Variants in NLK observed in about 807,000 individuals in gnomAD.
NLK encodes serine/threonine-protein kinase NLK.
A neutral mutation model predicts 59.0 loss-of-function variants in NLK; 11 were observed. The ratio of observed to expected loss-of-function variants is 0.19; its 90% CI spans 0.12 to 0.31. The LOEUF (loss-of-function observed/expected upper bound fraction) is 0.31. Ranked by LOEUF, NLK falls within the 10% of genes least tolerant of loss-of-function variation. The pLI, the probability that NLK is intolerant of heterozygous loss-of-function variation, is 1.00. For synonymous variants in NLK, 235 were observed against 235.9 expected, an observed-to-expected ratio of 1.00 and a Z score of 0.03; for missense variants, 410 against 661.1, an observed-to-expected ratio of 0.62 and a Z score of 4.16.
chr17:28,058,621 C>T (rs144075303), intron 1 of NLK, among the ~76,000 whole-genome samples: 1 of 152,178 alleles, frequency 6.6e-6, no homozygotes, highest in Non-Finnish European at 1.5e-5. Context: ...CATGGTGGCC[C>T]ATGTGTGTAT....
chr17:28,184,462 A>T (rs1456669203), intron 7 of NLK, among the ~76,000 whole-genome samples: 1 of 152,172 alleles, frequency 6.6e-6, no homozygotes, highest in Non-Finnish European at 1.5e-5. Flanking sequence ...TATAAACTCA[A>T]GCTTCTGTAC....
At chr17:28,102,010 C>A (rs1440551097) in intron 1 of NLK, among the ~76,000 whole-genome samples, 4 of 152,174 alleles carry the variant, frequency 2.6e-5, no homozygotes, top group Admixed American at 6.5e-5. Context: ...CTATCTGTAT[C>A]TTTTGTTTAA....
intron 3 of NLK, among the ~76,000 whole-genome samples, chr17:28,134,931 TG>T (rs1906677879): frequency 6.6e-6 from 1 of 152,226 alleles, no homozygotes; most frequent in South Asian, 2.1e-4. Flanking sequence ...AAAGCATTAA[TG>T]ATTCCATTTC....
chr17:28,111,925 GTGTGTGTGTGTGTGTGTGTGTA>G (rs1364370960), intron 1 of NLK, among the ~76,000 whole-genome samples: 15 of 148,846 alleles, frequency 1.0e-4, no homozygotes, highest in Admixed American at 4.0e-4. Flanking sequence ...GTGTGTGTGT[GTGTGTGTGTGTGTGTGTGTGTA>G]TGTGTAGGGA....
intron 1 of NLK, among the ~76,000 whole-genome samples, chr17:28,062,708 A>G (rs1022860679): frequency 6.6e-6 from 1 of 151,992 alleles, no homozygotes; most frequent in Non-Finnish European, 1.5e-5. Flanking sequence ...AGCCTCCTGC[A>G]TAGCTGGGAC....
In NLK at chr17:28,194,913, G is replaced by A; in HGVS notation, c.*277G>A. On this transcript the variant is annotated 3_prime_UTR_variant, in exon 11 of 11. Coordinates refer to ENST00000407008, the MANE Select transcript of NLK (RefSeq NM_016231.5). ...TTATGGCTCACCTCAGAACAAAAGA[G>A]AATTGAACCAAATTTGGGAGTTTGG... The A allele has an allele frequency of 3.2e-6, 1 of 312,404 alleles. No homozygotes were observed. The allele number at this position is 312,404 out of a possible 1,614,324, so 19.4% of individuals were successfully genotyped here.
Position 28,072,637 on chromosome 17 carries a change from T to C in NLK, c.458+29306T>C, listed in dbSNP as rs574948437. ...TTATGTTCTGCTTTTCATATTTTTC[T>C]CTTTATTTGCCTTCTTTTGAATTGC... On this transcript the variant is annotated intron_variant, in intron 1 of 10. Transcript: ENST00000407008. 2.0e-5 allele frequency among the ~76,000 whole-genome samples: 3 copies of C among 152,308 alleles called. No individual in the cohort carries two copies. The South Asian group carries it at 6.2e-4, about 32-fold the overall frequency.
chr17:28,077,073 CT>C (rs35639099), intron 1 of NLK, among the ~76,000 whole-genome samples: 1,100 of 42,500 alleles, frequency 0.026, 4 homozygotes, highest in South Asian at 0.04. Context: ...CTCTTTCTTT[CT>C]TTTTTTTTTT....
intron 1 of NLK, among the ~76,000 whole-genome samples, chr17:28,097,909 T>C (rs879559231): frequency 1.3e-5 from 2 of 152,146 alleles, no homozygotes; most frequent in Non-Finnish European, 2.9e-5. Context: ...AAGGATCCTG[T>C]TCCTTTTCAT....
chr17:28,073,583 C>A (rs1328569952), intron 1 of NLK, among the ~76,000 whole-genome samples: 4 of 152,126 alleles, frequency 2.6e-5, no homozygotes, highest in Non-Finnish European at 2.9e-5. Context: ...ATACTCATAT[C>A]TTTAGGAATT....
At position 28,160,302 on chromosome 17, in the gene NLK, G is replaced by A. The variant is rs111293223; in HGVS notation, c.645-858G>A. On this transcript the variant is annotated intron_variant, in intron 3 of 10. Coordinates refer to ENST00000407008, the MANE Select transcript of NLK (RefSeq NM_016231.5). ...ATTTTTAGTTGTTTTGTCAAAGGCT[G>A]TTATTATCAGTTCTCCTCCCTGTTC... 6.6e-3 allele frequency among the ~76,000 whole-genome samples: 998 copies of A among 152,286 alleles called. 17 individuals carry two copies. The highest frequency in any genetic ancestry group is 0.022 in the African/African-American group (933 of 41,576).
At chr17:28,119,392 A>G (rs1051850837) in intron 1 of NLK, among the ~76,000 whole-genome samples, 2 of 152,216 alleles carry the variant, frequency 1.3e-5, no homozygotes, top group Non-Finnish European at 1.5e-5. Context: ...TACAAGACAT[A>G]GTACTCACCT....
chr17:28,171,214 A>G (rs1908450455), intron 6 of NLK: 1 of 152,218 alleles, frequency 6.6e-6, no homozygotes, highest in Non-Finnish European at 1.5e-5. Context: ...TGTGGAAAGC[A>G]AGCTTCTCAA....
chr17:28,120,820 A>C (rs1419318775), intron 1 of NLK, among the ~76,000 whole-genome samples: 2 of 152,308 alleles, frequency 1.3e-5, no homozygotes, highest in East Asian at 1.9e-4. Flanking sequence ...TCCATAAAGA[A>C]GTTTGATATG....
chr17:28,192,484 C>T (rs1338291469), intron 10 of NLK, among the ~76,000 whole-genome samples: 1 of 152,120 alleles, frequency 6.6e-6, no homozygotes, highest in African/African-American at 2.4e-5. Context: ...GCCTGACTAA[C>T]ATGGAGAAAC....
chr17:28,176,301 A>C (rs565762593), intron 7 of NLK, among the ~76,000 whole-genome samples: 5 of 152,364 alleles, frequency 3.3e-5, no homozygotes, highest in Non-Finnish European at 5.9e-5. Context: ...CTAAAAATTC[A>C]ATACAAGTTT....
chr17:28,042,973 C>A lies in NLK; in HGVS notation c.100C>A (p.His34Asn), dbSNP rs1472694361. 6.4e-7 allele frequency: 1 copy of A among 1,556,648 alleles called. No individual in the cohort carries two copies. Among genetic ancestry groups the A allele is most frequent in the Non-Finnish European group, 8.7e-7 (1 of 1,149,608 alleles). Residue 34 changes from histidine to asparagine, a missense_variant, in exon 1 of 11, where the codon CAC becomes AAC. Physicochemically the swap from His to Asn is moderately conservative, Grantham distance 68 (BLOSUM62 1). Transcript: ENST00000407008. Reference protein sequence around the residue: ...AAGHHHHHHHHLPHLPPPHLH... With the variant: ...AAGHHHHHHHNLPHLPPPHLH... ...AGGTCACCACCACCACCATCACCACCACCTTCCACACCTCCCTCCTCCTCA... is the reference window on the plus strand; with the variant it reads ...AGGTCACCACCACCACCATCACCACAACCTTCCACACCTCCCTCCTCCTCA...
At chr17:28,102,891 T>C (rs1904952087) in intron 1 of NLK, among the ~76,000 whole-genome samples, 1 of 152,186 alleles carries the variant, frequency 6.6e-6, no homozygotes, top group African/African-American at 2.4e-5. Context: ...TTTATATATG[T>C]AGTACCTAGT....
At chr17:28,079,980 T>G (rs1441546791) in intron 1 of NLK, among the ~76,000 whole-genome samples, 1 of 152,190 alleles carries the variant, frequency 6.6e-6, no homozygotes, top group Non-Finnish European at 1.5e-5. Flanking sequence ...CCATTTTGAG[T>G]TGATTTTTGT....
Sources: gnomAD v4.1 joint callset for allele counts (sites outside exome capture counted in the v4.1 genomes callset) on GRCh38, gnomAD v4.1.1 for gene constraint, MANE v1.5 for transcripts, NCBI Gene and HGNC (gene_info 2026-07-23, HGNC 2026-07-21) for gene names.